ARHGEF17: variants seen among roughly 807,000 people sequenced by gnomAD.
ARHGEF17 encodes the protein Rho guanine nucleotide exchange factor 17.
In ARHGEF17, 80 loss-of-function variants were observed where a neutral mutation model predicts 174.0. The observed-to-expected ratio is 0.46, with a 90% CI of 0.38 to 0.55. The LOEUF is 0.55. ARHGEF17 is among the 20% of genes least tolerant of loss of function. The pLI is 0.00. For missense variants in ARHGEF17, 2,886 were observed against 2,839.7 expected (o/e 1.02, Z -0.37); for synonymous variants, 1,311 against 1,189.1 (o/e 1.10, Z -2.11).
intron 1 of ARHGEF17, among the ~76,000 whole-genome samples, chr11:73,327,610 A>G (rs1865122763): frequency 6.6e-6 from 1 of 152,204 alleles, no homozygotes; most frequent in African/African-American, 2.4e-5. Flanking sequence ...AAACATAGAC[A>G]TAGGAAGCCA....
chr11:73,326,792 A>G (rs1054367961), intron 1 of ARHGEF17, among the ~76,000 whole-genome samples: 3 of 152,360 alleles, frequency 2.0e-5, no homozygotes, highest in African/African-American at 7.2e-5. Context: ...GAATCTTGAC[A>G]CAGAAGTATA....
chr11:73,311,805 G>C lies in ARHGEF17; in HGVS notation c.3167G>C (p.Ser1056Thr). 6.2e-7 allele frequency: 1 copy of C among 1,605,742 alleles called. No individual in the cohort carries two copies. ...ARPADEPTPA[S>T]KCCSKPQVDM... ...CCTGCAGATGAGCCTACCCCTGCCA[G>C]CAAGTGCTGCAGCAAGCCACAGGTG... The change falls in exon 1 of 21, where the codon AGC becomes ACC. Residue 1056 changes from serine to threonine, a missense_variant. By Grantham distance (58) the Ser-to-Thr change is moderately conservative. Coordinates refer to ENST00000263674, the MANE Select transcript of ARHGEF17 (RefSeq NM_014786.4).
At chr11:73,351,327 G>GT (rs113165136) in intron 2 of ARHGEF17, among the ~76,000 whole-genome samples, 37,207 of 150,832 alleles carry the variant, frequency 0.25, 7,463 homozygotes, top group African/African-American at 0.56. Flanking sequence ...ACACCCTCCT[G>GT]TTTTTTTTAG....
chr11:73,311,841 T>C lies in ARHGEF17; in HGVS notation c.3192+11T>C. 1 of 1,582,408 alleles carries C rather than the reference T, an allele frequency of 6.3e-7. No homozygotes were observed. Among genetic ancestry groups the C allele is most frequent in the Non-Finnish European group, 8.6e-7 (1 of 1,159,876 alleles). ...AGCAAGCCACAGGTGGTGAGTCCTT[T>C]GTAGGGGCCTTCAGATTGGGGCCAA... is the stretch of plus-strand genomic sequence containing the variant. On this transcript the variant is annotated intron_variant, in intron 1 of 20. Coordinates refer to ENST00000263674, the MANE Select transcript of ARHGEF17 (RefSeq NM_014786.4).
chr11:73,356,825 C>T, intron 7 of ARHGEF17, 66 bp downstream of exon 7: 1 of 1,603,406 alleles, frequency 6.2e-7, no homozygotes, highest in East Asian at 2.2e-5. Flanking sequence ...CTTCTGCTCA[C>T]ACCCTCTACC....
chr11:73,337,880 G>A (rs769774712), intron 1 of ARHGEF17, among the ~76,000 whole-genome samples: 56 of 152,136 alleles, frequency 3.7e-4, no homozygotes, highest in Non-Finnish European at 5.6e-4. Flanking sequence ...GACACAGGTC[G>A]TGTCACTCAT....
At chr11:73,339,113 C>G (rs1865329282) in intron 1 of ARHGEF17, among the ~76,000 whole-genome samples, 1 of 152,138 alleles carries the variant, frequency 6.6e-6, no homozygotes. Flanking sequence ...GCCTGCTGCC[C>G]CAGTACCGGC....
At chr11:73,315,479 C>T (rs575346604) in intron 1 of ARHGEF17, among the ~76,000 whole-genome samples, 79 of 152,334 alleles carry the variant, frequency 5.2e-4, no homozygotes, top group Admixed American at 2.7e-3. Flanking sequence ...TCTTTCTCCC[C>T]TTTTGGCGGG....
chr11:73,343,424 C>G (rs58364325), intron 1 of ARHGEF17: 96,723 of 389,944 alleles, frequency 0.25, 15,394 homozygotes, highest in African/African-American at 0.57. Flanking sequence ...TGGAGATTGC[C>G]GGTGAGGAAC....
At position 73,365,482 on chromosome 11, in the gene ARHGEF17, C is replaced by T. The variant is rs755353058; in HGVS notation, c.5643C>T (p.Ala1881=). The change falls in exon 19 of 21, where the codon GCC becomes GCT. Residue 1881 remains alanine, a synonymous_variant. Transcript: ENST00000263674. The surrounding 1 kb of genome is among the most constrained non-coding windows in gnomAD (Gnocchi z 4.9). The stretch of plus-strand genomic sequence containing the variant: ...TGTGGGTGACATTGAAAGGTAGTGC[C>T]CACGTGTGTCTCTACCATCCAGACA... ...LGVWVTLKGS[A]HVCLYHPDTF... 3 of 1,614,064 alleles carry T rather than the reference C, an allele frequency of 1.9e-6. No individual in the cohort carries two copies. Among genetic ancestry groups the T allele is most frequent in the Non-Finnish European group, 2.5e-6 (3 of 1,180,024 alleles).
Position 73,363,218 on chromosome 11 carries a change from C to T in ARHGEF17, c.5009C>T (p.Pro1670Leu), listed in dbSNP as rs757214499. ...ISSSFGNEET[P>L]SSKEATAETT... ...TTGTCTCCCTCAGATGAGGAGACCC[C>T]GAGTTCCAAGGAGGCCACGGCAGAG... The change falls in exon 15 of 21, where the codon CCG (proline) becomes CTG (leucine). Residue 1670 changes from proline (P) to leucine (L), a missense_variant. This residue lies in a region of ARHGEF17 where 476 missense variants were observed against 473.1 expected (regional missense o/e 1.01). Coordinates refer to ENST00000263674, the MANE Select transcript of ARHGEF17 (RefSeq NM_014786.4). 28 of 1,569,964 alleles carry T rather than the reference C, an allele frequency of 1.8e-5. No homozygotes were observed. Among genetic ancestry groups the T allele is most frequent in the Non-Finnish European group, 2.0e-5 (23 of 1,155,394 alleles).
rs1475506028 is a variant in ARHGEF17 at position 73,362,191 on chromosome 11, G to T, written c.4646G>T (p.Arg1549Leu). 6.4e-7 allele frequency: 1 copy of T among 1,571,252 alleles called. No homozygotes were observed. Residue 1549 changes from arginine to leucine, a missense_variant, in exon 13 of 21, where the codon CGC (arginine) becomes CTC (leucine). By Grantham distance (102) the Arg-to-Leu change is moderately radical (BLOSUM62 -2). Transcript: ENST00000263674. ...VEACIAVCSA[R>L]ILCIGAVPGL... Reference sequence around the variant, plus strand: ...GCCTGCATCGCCGTCTGTTCCGCCCGCATCCTCTGCATCGGGGCGGTGCCC... The same window carrying T: ...GCCTGCATCGCCGTCTGTTCCGCCCTCATCCTCTGCATCGGGGCGGTGCCC...
At chr11:73,357,413 G>A in intron 9 of ARHGEF17, 86 bp downstream of exon 9, 1 of 1,272,826 alleles carries the variant, frequency 7.9e-7, no homozygotes, top group Non-Finnish European at 1.1e-6. Context: ...CAGTCTGGCT[G>A]CCTGTCCAGC....
intron 2 of ARHGEF17, among the ~76,000 whole-genome samples, chr11:73,352,260 G>C (rs1450492010): frequency 6.6e-6 from 1 of 152,176 alleles, no homozygotes. Flanking sequence ...GGAGGCGGAG[G>C]TTGCAGTGAG....
At chr11:73,358,481 C>T (rs142821961) in intron 9 of ARHGEF17, among the ~76,000 whole-genome samples, 1,598 of 112,774 alleles carry the variant, frequency 0.014, 40 homozygotes, top group African/African-American at 0.057. Flanking sequence ...TTTTTTGAGA[C>T]GGAGTCTCAC....
rs142656646 is a variant in ARHGEF17, at chr11:73,309,641, G to T, written c.1003G>T (p.Ala335Ser). 2.3e-5 allele frequency: 37 copies of T among 1,612,982 alleles called. No individual in the cohort carries two copies. The Admixed American group carries it at 4.8e-4, about 21-fold the overall frequency. ...GSPEPPTSPR[A>S]PREEGLREWG... ...CCCTGAGCCCCCAACATCTCCAAGA[G>T]CCCCTAGAGAAGAAGGACTCCGGGA... Residue 335 changes from alanine to serine, a missense_variant, in exon 1 of 21, where the codon GCC becomes TCC. Transcript: ENST00000263674.
At chr11:73,359,308 G>A (rs1466084174) in intron 9 of ARHGEF17, among the ~76,000 whole-genome samples, 3 of 152,248 alleles carry the variant, frequency 2.0e-5, no homozygotes, top group Non-Finnish European at 2.9e-5. Context: ...CAGAATGTGC[G>A]TCCCAAGCCT....
In ARHGEF17 at chr11:73,325,537, A is replaced by G. The variant is rs749929789; in HGVS notation, c.3192+13707A>G. Among the ~76,000 whole-genome samples, 43 of 152,148 alleles carry G rather than the reference A, an allele frequency of 2.8e-4. 1 individual carries two copies. The highest frequency in any genetic ancestry group is 8.5e-4 in the African/African-American group (35 of 41,420). On this transcript the variant is annotated intron_variant, in intron 1 of 20. Transcript: ENST00000263674. ...AGCTTGAGGAGCATCGCATATAGGC[A>G]TTGTACACACACACTCTCTCTCTCT...
At position 73,367,739 on chromosome 11, in the gene ARHGEF17, C is replaced by G; in HGVS notation, c.6151C>G (p.Arg2051Gly). ...GGGSSSETVG[R>G]DDSTNHLLLW... Reference sequence around the variant, plus strand: ...CGGCAGCAGCAGTGAGACTGTGGGTCGAGACGACAGCACAAACCACCTCCT... The same window carrying G: ...CGGCAGCAGCAGTGAGACTGTGGGTGGAGACGACAGCACAAACCACCTCCT... The change falls in exon 21 of 21, where the codon CGA becomes GGA. Residue 2051 changes from arginine to glycine, a missense_variant. Arg to Gly is a moderately radical substitution (Grantham distance 125, BLOSUM62 -2). Transcript: ENST00000263674. The G allele has an allele frequency of 6.2e-7, 1 of 1,613,952 alleles. No homozygotes were observed. Among genetic ancestry groups the G allele is most frequent in the Non-Finnish European group, 8.5e-7 (1 of 1,179,938 alleles).
Sources: allele counts gnomAD v4.1 joint callset (sites outside exome capture counted in the v4.1 genomes callset), GRCh38; gene constraint gnomAD v4.1.1; regional missense constraint gnomAD v4.1.1; non-coding constraint Gnocchi (gnomAD v3.1); transcripts MANE v1.5; gene names NCBI Gene and HGNC (gene_info 2026-07-23, HGNC 2026-07-21).